The following SAMHD1 variants were observed in gnomAD, a reference collection of about 807,000 sequenced individuals.
SAMHD1 encodes the protein SAM and HD domain containing deoxynucleoside triphosphate triphosphohydrolase 1.
A neutral mutation model predicts 79.6 loss-of-function variants in SAMHD1; 54 were observed. That is an observed-to-expected ratio of 0.68 (90% CI 0.55 to 0.85). The LOEUF (loss-of-function observed/expected upper bound fraction) is 0.85, where lower values mean the gene tolerates loss of function less well. SAMHD1 is among the 40% of genes least tolerant of loss of function. The pLI is 0.00. For synonymous variants in SAMHD1, 260 were observed against 264.1 expected (o/e 0.98, Z 0.15); for missense variants, 663 against 782.7 (o/e 0.85, Z 1.82).
intron 15 of SAMHD1, among the ~76,000 whole-genome samples, chr20:36,896,338 AG>A (rs1021357715): frequency 3.3e-5 from 5 of 152,140 alleles, no homozygotes; most frequent in African/African-American, 9.7e-5. Context: ...ACAGACACCA[AG>A]GGACAATTCT....
chr20:36,942,334 C>G (rs2063651063), intron 2 of SAMHD1, among the ~76,000 whole-genome samples: 1 of 152,148 alleles, frequency 6.6e-6, no homozygotes, highest in African/African-American at 2.4e-5. Context: ...AGGAGAATTG[C>G]TTGAACCCGG....
intron 11 of SAMHD1, 26 bp downstream of exon 11, chr20:36,911,192 C>T: frequency 7.4e-7 from 1 of 1,351,162 alleles, no homozygotes; most frequent in East Asian, 2.3e-5. Flanking sequence ...TGAGATGGAC[C>T]ATCTATGTTA....
chr20:36,898,910 C>CAAA (rs57902699), intron 13 of SAMHD1, among the ~76,000 whole-genome samples: 94 of 69,250 alleles, frequency 1.4e-3, no homozygotes, highest in South Asian at 1.6e-3. Context: ...GACTCTGACT[C>CAAA]AAAAAAAAAA....
At chr20:36,947,520 G>T (rs1428040649) in intron 1 of SAMHD1, among the ~76,000 whole-genome samples, 1 of 120,274 alleles carries the variant, frequency 8.3e-6, no homozygotes, top group African/African-American at 3.4e-5. Context: ...TGTGTCCTGG[G>T]AAAGCACTCA....
At chr20:36,922,866 CT>C (rs2063514511) in intron 6 of SAMHD1, among the ~76,000 whole-genome samples, 1 of 151,642 alleles carries the variant, frequency 6.6e-6, no homozygotes, top group African/African-American at 2.4e-5. Flanking sequence ...CCAGGCTGGT[CT>C]TGAACTCCTG....
At position 36,909,416 on chromosome 20, in the gene SAMHD1, G is replaced by A. The variant is rs551981937; in HGVS notation, c.1270+1802C>T. On this transcript the variant is annotated intron_variant, in intron 11 of 15. Coordinates refer to ENST00000646673, the MANE Select transcript of SAMHD1 (RefSeq NM_015474.4). Reference sequence around the variant, plus strand: ...GGGCGCGGTGGCTCACACCTGTAATGCCAGCGCTTTGGGAGGCCGAGGCAG... The same window carrying A: ...GGGCGCGGTGGCTCACACCTGTAATACCAGCGCTTTGGGAGGCCGAGGCAG... Among the ~76,000 whole-genome samples the A allele has an allele frequency of 1.9e-3, 283 of 151,792 alleles. 1 individual carries two copies. Among genetic ancestry groups the A allele is most frequent in the African/African-American group, 6.4e-3 (263 of 41,398 alleles).
intron 6 of SAMHD1, among the ~76,000 whole-genome samples, chr20:36,925,757 A>T (rs1473887822): frequency 6.6e-6 from 1 of 152,224 alleles, no homozygotes. Flanking sequence ...TTCAACATAC[A>T]TTAGAAAATC....
At chr20:36,928,304 G>A (rs1346478649) in intron 5 of SAMHD1, among the ~76,000 whole-genome samples, 5 of 151,982 alleles carry the variant, frequency 3.3e-5, no homozygotes, top group Non-Finnish European at 7.4e-5. Context: ...CAGGAGAATG[G>A]CGTGAACCTG....
rs575561817 is a variant in SAMHD1 at position 36,935,440 on chromosome 20, A to G, written c.349-251T>C. The G allele has an allele frequency of 5.0e-5, 25 of 496,758 alleles. No homozygotes were observed. The South Asian group carries it at 5.3e-4, about 11-fold the overall frequency. 30.8% of individuals were successfully genotyped at this position (496,758 alleles called of 1,614,324 possible). The stretch of plus-strand genomic sequence containing the variant: ...GAATAACAGAAAAATAAGGATTTTG[A>G]TTTTTTATTATGTATATGACTTAGT... On this transcript the variant is annotated intron_variant, in intron 3 of 15. Coordinates refer to ENST00000646673, the MANE Select transcript of SAMHD1 (RefSeq NM_015474.4).
At chr20:36,898,416 T>C (rs1404508475) in intron 14 of SAMHD1, 24 bp downstream of exon 14, 5 of 1,502,584 alleles carry the variant, frequency 3.3e-6, no homozygotes, top group Non-Finnish European at 4.6e-6. Flanking sequence ...CACTATAGTA[T>C]ATTTGTTTTG....
chr20:36,911,274 T>C lies in SAMHD1; in HGVS notation c.1214A>G (p.Lys405Arg). 1 of 1,613,388 alleles carries C rather than the reference T, an allele frequency of 6.2e-7. No homozygotes were observed. Among genetic ancestry groups the C allele is most frequent in the Non-Finnish European group, 8.5e-7 (1 of 1,179,976 alleles). Residue 405 changes from lysine to arginine, a missense_variant, in exon 11 of 16, where the codon AAA becomes AGA. Coordinates refer to ENST00000646673, the MANE Select transcript of SAMHD1 (RefSeq NM_015474.4). ...AATTGCTGTAGAAATGCGATACTTTTTTCCTCCAGCACCTGTAATCTCTAT... is the reference window on the plus strand; with the variant it reads ...AATTGCTGTAGAAATGCGATACTTTCTTCCTCCAGCACCTGTAATCTCTAT... ...DYIEITGAGG[K>R]KYRISTAIDD...
intron 13 of SAMHD1, 88 bp from the exon 14 acceptor site, chr20:36,898,632 G>A: frequency 9.6e-7 from 1 of 1,043,124 alleles, no homozygotes; most frequent in Non-Finnish European, 1.5e-6. Context: ...ATGGAACAGA[G>A]GCCGGGCGCA....
At chr20:36,938,173 T>A (rs991638493) in intron 3 of SAMHD1, among the ~76,000 whole-genome samples, 1 of 151,840 alleles carries the variant, frequency 6.6e-6, no homozygotes, top group South Asian at 2.1e-4. Flanking sequence ...CAGCCAACAA[T>A]GTTCTTTTTA....
At chr20:36,893,395 G>A (rs149908690) in intron 15 of SAMHD1, 83 of 406,568 alleles carry the variant, frequency 2.0e-4, no homozygotes, top group Non-Finnish European at 7.7e-5. Flanking sequence ...GGAGAAAGAC[G>A]GGATGCACTG....
intron 12 of SAMHD1, chr20:36,904,572 C>G: frequency 3.0e-6 from 1 of 338,862 alleles, no homozygotes; most frequent in Non-Finnish European, 5.7e-6. Flanking sequence ...CAAAAATTAG[C>G]TGGGCGTGGT....
chr20:36,922,096 T>C (rs2063509625), intron 6 of SAMHD1, among the ~76,000 whole-genome samples: 1 of 152,146 alleles, frequency 6.6e-6, no homozygotes, highest in African/African-American at 2.4e-5. Flanking sequence ...ATAGCTCAGT[T>C]GCTCTTTAAA....
chr20:36,943,212 G>A (rs1395024631), intron 2 of SAMHD1, among the ~76,000 whole-genome samples: 2 of 152,156 alleles, frequency 1.3e-5, no homozygotes, highest in Non-Finnish European at 2.9e-5. Flanking sequence ...TGAGCAACTG[G>A]ATGGAGTGGT....
intron 6 of SAMHD1, among the ~76,000 whole-genome samples, chr20:36,921,886 G>A (rs371725573): frequency 3.9e-5 from 6 of 152,014 alleles, no homozygotes; most frequent in South Asian, 4.2e-4. Context: ...ACAGGGTTTC[G>A]CCATATTGGC....
At chr20:36,944,579 C>T (rs6030339) in intron 2 of SAMHD1, among the ~76,000 whole-genome samples, 126,502 of 152,242 alleles carry the variant, frequency 0.83, 52,964 homozygotes, top group East Asian at 0.99. Context: ...AATTTTCTAA[C>T]AGAAACAAAA....
Sources: allele counts gnomAD v4.1 joint callset (sites outside exome capture counted in the v4.1 genomes callset), GRCh38; gene constraint gnomAD v4.1.1; transcripts MANE v1.5; gene names NCBI Gene and HGNC (gene_info 2026-07-23, HGNC 2026-07-21).